TNFSF11: variants seen among roughly 807,000 people sequenced by gnomAD.
TNFSF11 encodes TNF superfamily member 11.
Under a neutral mutation model 32.2 loss-of-function variants are expected in TNFSF11, and 12 were observed. The observed-to-expected ratio is 0.37, with a 90% confidence interval of 0.24 to 0.60. The LOEUF is 0.60. Ranked by LOEUF, TNFSF11 falls within the 20% of genes least tolerant of loss-of-function variation. TNFSF11 has a pLI of 0.66. For missense variants in TNFSF11, 345 were observed against 398.0 expected (o/e 0.87, Z 1.13); for synonymous variants, 172 against 152.1 (o/e 1.13, Z -0.96).
chr13:42,586,094 G>A (rs1160083705), intron 2 of TNFSF11, among the ~76,000 whole-genome samples: 1 of 152,138 alleles, frequency 6.6e-6, no homozygotes, highest in East Asian at 1.9e-4. Flanking sequence ...ACAAATATAC[G>A]AGAGTGATTT....
Position 42,574,367 on chromosome 13 carries a change from C to T in TNFSF11, c.64C>T (p.Pro22Ser). 4 of 1,542,120 alleles carry T rather than the reference C, an allele frequency of 2.6e-6. No homozygotes were observed. The highest frequency in any genetic ancestry group is 2.6e-6 in the Non-Finnish European group (3 of 1,145,118). ...TGGCTCGGAGGAGATGGGCGGCGGC[C>T]CCGGAGCCCCGCACGAGGGCCCCCT... ...LRGSEEMGGG[P>S]GAPHEGPLHA... Residue 22 changes from proline to serine, a missense_variant, in exon 1 of 5, where the codon CCC becomes TCC. By Grantham distance (74) the Pro-to-Ser change is moderately conservative. Coordinates refer to ENST00000398795, the MANE Select transcript of TNFSF11 (RefSeq NM_003701.4).
chr13:42,580,208 T>C (rs1415411302), intron 1 of TNFSF11, among the ~76,000 whole-genome samples: 2 of 152,236 alleles, frequency 1.3e-5, no homozygotes, highest in Non-Finnish European at 2.9e-5. Context: ...TGATAGCTAA[T>C]TATTGTTACC....
At position 42,576,551 on chromosome 13, in the gene TNFSF11, C is replaced by G. The variant is rs191580002; in HGVS notation, c.219+2029C>G. Among the ~76,000 whole-genome samples the G allele has an allele frequency of 2.6e-5, 4 of 152,194 alleles. No individual in the cohort carries two copies. The East Asian group carries it at 7.7e-4, about 29-fold the overall frequency. ...CTTCTGGGTACGGTTTTCTTAAATA[C>G]CATGAAAATTCGGTTCCTTTGACTT... On this transcript the variant is annotated intron_variant, in intron 1 of 4. Transcript: ENST00000398795.
At chr13:42,569,440 T>G (rs1872978288), upstream of TNFSF11, among the ~76,000 whole-genome samples, 1 of 150,872 alleles carries the variant, frequency 6.6e-6, no homozygotes, top group Non-Finnish European at 1.5e-5. Flanking sequence ...CCCAGCTACT[T>G]GGGAGGCTGA....
chr13:42,607,654 T>C lies in TNFSF11; in HGVS notation c.*736T>C, dbSNP rs1267681394. 3 of 152,766 alleles carry C rather than the reference T, an allele frequency of 2.0e-5. No individual in the cohort carries two copies. Among genetic ancestry groups the C allele is most frequent in the Non-Finnish European group, 4.4e-5 (3 of 68,042 alleles). 9.5% of individuals were successfully genotyped at this position (152,766 alleles called of 1,614,324 possible). A position where few individuals can be genotyped will look rare whatever the true frequency, so the allele number is the denominator to read the frequency against. The stretch of plus-strand genomic sequence containing the variant: ...TTAAGTTAATAGATTTTTTCAGACT[T>C]GTCAAGCCTGTGCAAAAAAATTAAA... On this transcript the variant is annotated 3_prime_UTR_variant, in exon 5 of 5. Coordinates refer to ENST00000398795, the MANE Select transcript of TNFSF11 (RefSeq NM_003701.4).
chr13:42,599,500 A>G (rs768264868), intron 2 of TNFSF11, among the ~76,000 whole-genome samples: 32 of 152,114 alleles, frequency 2.1e-4, no homozygotes, highest in Non-Finnish European at 3.7e-4. Context: ...TAACAGGGGA[A>G]ATTAGGAATC....
At chr13:42,590,100 A>G (rs1429010329) in intron 2 of TNFSF11, among the ~76,000 whole-genome samples, 1 of 152,248 alleles carries the variant, frequency 6.6e-6, no homozygotes, top group Non-Finnish European at 1.5e-5. Flanking sequence ...CTTCCCAAGG[A>G]CAGGGTCTGT....
In TNFSF11 at chr13:42,574,527, G is replaced by C. The variant is rs1158714008; in HGVS notation, c.219+5G>C. ...TTCTTCTATTTCAGAGCGCAGGTGAGTGGCCACCTTCCCAGGGGATCGCGG... is the reference window on the plus strand; with the variant it reads ...TTCTTCTATTTCAGAGCGCAGGTGACTGGCCACCTTCCCAGGGGATCGCGG... On this transcript the variant is annotated splice_donor_5th_base_variant and intron_variant, in intron 1 of 4. Coordinates refer to ENST00000398795, the MANE Select transcript of TNFSF11 (RefSeq NM_003701.4). 1 of 1,606,222 alleles carries C rather than the reference G, an allele frequency of 6.2e-7. No individual in the cohort carries two copies. Among genetic ancestry groups the C allele is most frequent in the African/African-American group, 1.3e-5 (1 of 74,906 alleles).
rs11385072 is a variant in TNFSF11, at chr13:42,599,349, C to CTATCTATCATCTATCTATCT, written c.388-1403_388-1402insTATCTATCATCTATCTATCT. On this transcript the variant is annotated intron_variant, in intron 2 of 4. Coordinates refer to ENST00000398795, the MANE Select transcript of TNFSF11 (RefSeq NM_003701.4). ...TCTATCTATCTATCTATCTATCTAT[C>CTATCTATCATCTATCTATCT]ATCTATCTATCTATCTATCTATCTA... is the stretch of plus-strand genomic sequence containing the variant. Among the ~76,000 whole-genome samples the CTATCTATCATCTATCTATCT allele has an allele frequency of 2.2e-3, 245 of 112,236 alleles. 1 individual carries two copies. Among genetic ancestry groups the CTATCTATCATCTATCTATCT allele is most frequent in the Middle Eastern group, 8.5e-3 (2 of 236 alleles). 73.6% of individuals were successfully genotyped at this position (112,236 alleles called of 152,430 possible).
At chr13:42,573,607 C>A (rs1356130235), upstream of TNFSF11, among the ~76,000 whole-genome samples, 1 of 152,140 alleles carries the variant, frequency 6.6e-6, no homozygotes, top group African/African-American at 2.4e-5. Context: ...CTGCCTCGCT[C>A]AATGTCACCT....
intron 1 of TNFSF11, among the ~76,000 whole-genome samples, chr13:42,579,415 CAAA>C (rs34345592): frequency 3.5e-5 from 4 of 112,922 alleles, no homozygotes; most frequent in Admixed American, 8.9e-5. Flanking sequence ...ACCCTGTCTT[CAAA>C]AAAAAAAAAA....
At chr13:42,581,406 A>G (rs1873610389) in intron 2 of TNFSF11, 113 bp downstream of exon 2, 2 of 1,219,514 alleles carry the variant, frequency 1.6e-6, no homozygotes, top group Admixed American at 2.1e-5. Context: ...AATAATTTGT[A>G]AAAGAGCTAC....
At chr13:42,575,193 A>G (rs529319105) in intron 1 of TNFSF11, among the ~76,000 whole-genome samples, 1 of 152,158 alleles carries the variant, frequency 6.6e-6, no homozygotes, top group Non-Finnish European at 1.5e-5. Flanking sequence ...CGTGCCTGCT[A>G]GGGATGTGGG....
chr13:42,590,056 G>C (rs1362792441), intron 2 of TNFSF11, among the ~76,000 whole-genome samples: 1 of 152,242 alleles, frequency 6.6e-6, no homozygotes, highest in Non-Finnish European at 1.5e-5. Flanking sequence ...GTAACCACAC[G>C]GACCTGGGGT....
chr13:42,581,430 A>G (rs1873611565), intron 2 of TNFSF11, 137 bp downstream of exon 2: 8 of 970,352 alleles, frequency 8.2e-6, no homozygotes, highest in Non-Finnish European at 1.2e-5. Context: ...GAATGCTTTA[A>G]AGAGATTAGC....
chr13:42,592,684 C>G (rs1868554297), intron 2 of TNFSF11, among the ~76,000 whole-genome samples: 1 of 152,192 alleles, frequency 6.6e-6, no homozygotes, highest in Non-Finnish European at 1.5e-5. Context: ...TGGTTTGGCT[C>G]TGTGTCTCCA....
At chr13:42,586,603 A>G (rs1052933346) in intron 2 of TNFSF11, among the ~76,000 whole-genome samples, 1 of 152,338 alleles carries the variant, frequency 6.6e-6, no homozygotes, top group Non-Finnish European at 1.5e-5. Context: ...TATAATGTGA[A>G]CTAAAAACAT....
chr13:42,574,569 C>A, intron 1 of TNFSF11, 47 bp downstream of exon 1: 1 of 1,581,722 alleles, frequency 6.3e-7, no homozygotes. Flanking sequence ...GCGCCCATCT[C>A]CTTCCCCCGC....
intron 4 of TNFSF11, among the ~76,000 whole-genome samples, chr13:42,602,093 G>C (rs1869206619): frequency 6.6e-6 from 1 of 152,188 alleles, no homozygotes; most frequent in African/African-American, 2.4e-5. Context: ...GTGAGAAGTA[G>C]ATTCATGTGA....
Sources: allele counts gnomAD v4.1 joint callset (sites outside exome capture counted in the v4.1 genomes callset), GRCh38; gene constraint gnomAD v4.1.1; transcripts MANE v1.5; gene names NCBI Gene and HGNC (gene_info 2026-07-23, HGNC 2026-07-21).